TBC1D26: variants seen among roughly 807,000 people sequenced by gnomAD.
The protein encoded by TBC1D26 is TBC1 domain family member 26, also known as TBC1 domain family, member 26.
TBC1D26 carries 19 observed loss-of-function variants against 42.5 expected under a neutral mutation model. The observed-to-expected ratio is 0.45, with a 90% CI of 0.31 to 0.66. TBC1D26 has a LOEUF of 0.66. Among genes scored for constraint, TBC1D26 ranks in the 30% least tolerant of loss-of-function variants. The pLI is 0.06. For synonymous variants in TBC1D26, 97 were observed against 123.5 expected (o/e 0.79, Z 1.42); for missense variants, 228 against 332.6 (o/e 0.69, Z 2.45).
At chr17:15,740,481 A>G (rs930676470) in intron 9 of TBC1D26, 27 of 1,287,894 alleles carry the variant, frequency 2.1e-5, no homozygotes, top group Admixed American at 3.5e-5. Flanking sequence ...GGCACTTGTC[A>G]TGAAATGAGT....
chr17:15,737,973 A>G, intron 5 of TBC1D26, 24 bp from the exon 6 acceptor site: 1 of 1,613,996 alleles, frequency 6.2e-7, no homozygotes, highest in East Asian at 2.2e-5. Flanking sequence ...AGCTCCGCTA[A>G]CTCCATCATG....
At chr17:15,734,497 G>A (rs1181660225) in intron 1 of TBC1D26, among the ~76,000 whole-genome samples, 1 of 151,872 alleles carries the variant, frequency 6.6e-6, no homozygotes, top group East Asian at 1.9e-4. Context: ...AGGAGCCCTG[G>A]AGGGCTGCCT....
intron 10 of TBC1D26, chr17:15,741,516 A>G: frequency 2.0e-6 from 1 of 498,476 alleles, no homozygotes; most frequent in South Asian, 2.2e-5. Flanking sequence ...TTGTGCAGGC[A>G]CCACTCACCT....
chr17:15,734,958 C>T lies in TBC1D26; in HGVS notation c.-114C>T, dbSNP rs529937177. 2.0e-5 allele frequency: 5 copies of T among 255,544 alleles called. No homozygotes were observed. Among genetic ancestry groups the T allele is most frequent in the South Asian group, 7.6e-5 (1 of 13,112 alleles). 15.8% of individuals were successfully genotyped at this position (255,544 alleles called of 1,614,324 possible). ...ACTGATTATATTCCTGGTCCCTGAA[C>T]GATCCTATAGAGACATCCAGTCCCT... On this transcript the variant is annotated 5_prime_UTR_variant, in exon 2 of 15. The change creates a new upstream start codon in the 5' untranslated region. Coordinates refer to ENST00000437605, the MANE Select transcript of TBC1D26 (RefSeq NM_001388465.1).
intron 9 of TBC1D26, chr17:15,740,723 G>A (rs1027193779): frequency 8.5e-5 from 92 of 1,085,174 alleles, no homozygotes; most frequent in Non-Finnish European, 1.6e-5. Flanking sequence ...GCAGCCCTTG[G>A]GCTGTTGCAG....
intron 10 of TBC1D26, 125 bp downstream of exon 10, chr17:15,741,346 C>A: frequency 6.5e-7 from 1 of 1,541,628 alleles, no homozygotes; most frequent in Non-Finnish European, 8.7e-7. Flanking sequence ...TGTATCCCAG[C>A]TTGTTTGGAG....
intron 1 of TBC1D26, chr17:15,733,811 C>G (rs1227885921): frequency 6.6e-6 from 1 of 152,216 alleles, no homozygotes; most frequent in East Asian, 1.9e-4. Context: ...TGAGTGACCG[C>G]CCACCTGCCC....
rs1967699734 is a variant in TBC1D26, at chr17:15,738,967, G to A, written c.497+137G>A. ...AAGGGCTCTCCTGGCCCAGGGAGCAGCCGGCACCATGGACTGAGCATCTCC... is the reference window on the plus strand; with the variant it reads ...AAGGGCTCTCCTGGCCCAGGGAGCAACCGGCACCATGGACTGAGCATCTCC... On this transcript the variant is annotated intron_variant, in intron 8 of 14. Coordinates refer to ENST00000437605, the MANE Select transcript of TBC1D26 (RefSeq NM_001388465.1). 3 of 1,273,058 alleles carry A rather than the reference G, an allele frequency of 2.4e-6. No homozygotes were observed. In the Admixed American group the frequency reaches 6.2e-5, roughly 26 times the overall value. The allele number at this position is 1,273,058 out of a possible 1,614,324, so 78.9% of individuals were successfully genotyped here.
At chr17:15,739,523 A>G (rs190656269) in intron 8 of TBC1D26, among the ~76,000 whole-genome samples, 186 of 152,390 alleles carry the variant, frequency 1.2e-3, no homozygotes, top group African/African-American at 4.0e-3. Flanking sequence ...CGAACCCCCA[A>G]TGCCCGCAGG....
At position 15,740,161 on chromosome 17, in the gene TBC1D26, G is replaced by C; in HGVS notation, c.546+13G>C. 6.2e-7 allele frequency: 1 copy of C among 1,613,726 alleles called. No homozygotes were observed. On this transcript the variant is annotated intron_variant, in intron 9 of 14. Transcript: ENST00000437605. ...TGCATATAACCCTGTGAGTATTCCC[G>C]GGCAGCGATATTCCTGGGACATGTG...
intron 10 of TBC1D26, 128 bp downstream of exon 10, chr17:15,741,349 G>T: frequency 5.2e-6 from 8 of 1,533,520 alleles, no homozygotes; most frequent in Non-Finnish European, 7.0e-6. Context: ...ATCCCAGCTT[G>T]TTTGGAGCCT....
intron 8 of TBC1D26, among the ~76,000 whole-genome samples, chr17:15,739,482 C>T (rs1265322460): frequency 6.6e-6 from 1 of 152,284 alleles, no homozygotes; most frequent in African/African-American, 2.4e-5. Context: ...TTCCACTCTT[C>T]AGACAGAGGC....
intron 5 of TBC1D26, 148 bp from the exon 6 acceptor site, chr17:15,737,848 CT>C: frequency 1.0e-6 from 1 of 989,826 alleles, no homozygotes; most frequent in Non-Finnish European, 1.5e-6. Flanking sequence ...GCTCCAGTTC[CT>C]TCAGAGGGTC....
chr17:15,742,080 C>T (rs1967802934), intron 11 of TBC1D26, 44 bp downstream of exon 11: 1 of 1,552,984 alleles, frequency 6.4e-7, no homozygotes, highest in Non-Finnish European at 8.9e-7. Flanking sequence ...CGCCCTGGCC[C>T]CCATAGGCCA....
At position 15,741,286 on chromosome 17, in the gene TBC1D26, G is replaced by A. The variant is rs57227133; in HGVS notation, c.646+65G>A. 1.2e-3 allele frequency: 1,870 copies of A among 1,608,000 alleles called. 4 individuals are homozygous for A. In the African/African-American group the frequency reaches 0.021, roughly 18 times the overall value. On this transcript the variant is annotated intron_variant, in intron 10 of 14. Transcript: ENST00000437605. ...CGGGGCCTTACACAGCCATGCCAGG[G>A]GACAGCCACCCTGGCCGGTGACCCT...
At chr17:15,738,185 C>T in intron 6 of TBC1D26, 95 bp from the exon 7 acceptor site, 1 of 1,608,050 alleles carries the variant, frequency 6.2e-7, no homozygotes, top group African/African-American at 1.3e-5. Flanking sequence ...TGGGTGGTAC[C>T]CCATCCTTGC....
At chr17:15,742,283 A>T (rs1967809524) in intron 11 of TBC1D26, 131 bp from the exon 12 acceptor site, 2 of 529,146 alleles carry the variant, frequency 3.8e-6, no homozygotes, top group Admixed American at 3.2e-5. Flanking sequence ...GCGTCCGTGC[A>T]TGGGGCAGGT....
chr17:15,740,411 A>G, intron 9 of TBC1D26: 4 of 1,414,482 alleles, frequency 2.8e-6, no homozygotes, highest in South Asian at 1.6e-5. Flanking sequence ...GCAGGGTCCC[A>G]CACAGGATGG....
At position 15,741,924 on chromosome 17, in the gene TBC1D26, G is replaced by C. The variant is rs1212291722; in HGVS notation, c.647-18G>C. The C allele has an allele frequency of 6.2e-7, 1 of 1,612,758 alleles. No individual in the cohort carries two copies. The highest frequency in any genetic ancestry group is 1.3e-5 in the African/African-American group (1 of 74,888). ...TGGGCGTGGGGTCTGATGGGGTGAT[G>C]GGTCGCGGGCTTCTCAGTATTCTAC... On this transcript the variant is annotated intron_variant, in intron 10 of 14. Coordinates refer to ENST00000437605, the MANE Select transcript of TBC1D26 (RefSeq NM_001388465.1).
Sources: allele counts gnomAD v4.1 joint callset (sites outside exome capture counted in the v4.1 genomes callset), GRCh38; gene constraint gnomAD v4.1.1; transcripts MANE v1.5; gene names NCBI Gene and HGNC (gene_info 2026-07-23, HGNC 2026-07-21).